INPP5K: variants seen among roughly 807,000 people sequenced by gnomAD.
INPP5K encodes inositol polyphosphate-5-phosphatase K.
INPP5K carries 35 observed loss-of-function variants against 53.5 expected under a neutral mutation model. The ratio of observed to expected loss-of-function variants is 0.65; its 90% CI spans 0.50 to 0.87. The LOEUF is 0.87. INPP5K is among the 40% of genes least tolerant of loss of function. INPP5K has a pLI of 0.00. For synonymous variants in INPP5K, 253 were observed against 232.8 expected, an observed-to-expected ratio of 1.09 and a Z score of -0.79; for missense variants, 550 against 586.2, an observed-to-expected ratio of 0.94 and a Z score of 0.64.
chr17:1,500,202 C>T (rs2074970188), intron 7 of INPP5K, among the ~76,000 whole-genome samples: 2 of 152,210 alleles, frequency 1.3e-5, no homozygotes, highest in South Asian at 2.1e-4. Context: ...AGTCTGACCA[C>T]CCCATCCTTC....
intron 7 of INPP5K, among the ~76,000 whole-genome samples, chr17:1,502,193 C>T (rs549431487): frequency 6.7e-6 from 1 of 150,372 alleles, no homozygotes; most frequent in Non-Finnish European, 1.5e-5. Flanking sequence ...ACTAAAAATA[C>T]AAAAAATTAG....
chr17:1,496,798 C>T lies in INPP5K; in HGVS notation c.969G>A (p.Lys323=), dbSNP rs2074861347. 4.3e-6 allele frequency: 7 copies of T among 1,613,962 alleles called. No individual in the cohort carries two copies. Among genetic ancestry groups the T allele is most frequent in the Non-Finnish European group, 5.9e-6 (7 of 1,179,992 alleles). ...PVSGTFDLEL[K]PLVSAPLIVL... is the part of the protein sequence containing the mutation. ...CGATCAGCGGAGCAGACACCAATGG[C>T]TTCAGCTAGACACGGGGGTGGGAAG... Residue 323 remains lysine (K), a synonymous_variant, in exon 9 of 12, where the codon AAG becomes AAA. Coordinates refer to ENST00000421807, the MANE Select transcript of INPP5K (RefSeq NM_016532.4).
intron 5 of INPP5K, 160 bp downstream of exon 5, chr17:1,509,018 G>A: frequency 1.6e-6 from 1 of 636,296 alleles, no homozygotes; most frequent in South Asian, 1.8e-5. Flanking sequence ...TCAGCGTGGG[G>A]CAGAGGGCGG....
intron 6 of INPP5K, chr17:1,507,314 G>T: frequency 1.8e-6 from 1 of 551,896 alleles, no homozygotes; most frequent in Non-Finnish European, 3.2e-6. Context: ...GCAGCTGTCT[G>T]CCGTTTCCCA....
chr17:1,513,937 A>AG lies in INPP5K; in HGVS notation c.86dup (p.Leu30SerfsTer5). The AG allele has an allele frequency of 6.2e-7, 1 of 1,613,214 alleles. No homozygotes were observed. The highest frequency in any genetic ancestry group is 8.5e-7 in the Non-Finnish European group (1 of 1,179,398). ...GCTGAAGCAGGTCACTGAGATCTAG[A>AG]GGGGGCGCTGCCGAAGCCACGTTCC... is the stretch of plus-strand genomic sequence containing the variant. On this transcript the variant is annotated frameshift_variant, in exon 2 of 12. Transcript: ENST00000421807. LOFTEE classifies it high-confidence loss of function.
intron 1 of INPP5K, chr17:1,516,172 C>T: frequency 8.5e-7 from 1 of 1,182,318 alleles, no homozygotes; most frequent in East Asian, 3.3e-5. Context: ...GTGACGGCCT[C>T]GTTATGTCTT....
intron 7 of INPP5K, among the ~76,000 whole-genome samples, chr17:1,506,438 G>A (rs760777604): frequency 2.6e-5 from 4 of 152,182 alleles, no homozygotes; most frequent in Admixed American, 2.0e-4. Flanking sequence ...CCTTATAGCT[G>A]ACAAAATCAA....
At chr17:1,509,825 G>T in intron 3 of INPP5K, 26 bp from the exon 4 acceptor site, 1 of 1,483,478 alleles carries the variant, frequency 6.7e-7, no homozygotes, top group Non-Finnish European at 9.4e-7. Flanking sequence ...GGCAAAGGTC[G>T]CTCATTAAAC....
At chr17:1,508,583 C>T (rs1235924939) in intron 5 of INPP5K, 10 of 306,698 alleles carry the variant, frequency 3.3e-5, no homozygotes, top group Non-Finnish European at 5.6e-5. Flanking sequence ...GCAAGACAGA[C>T]GGGCTGGAGG....
intron 7 of INPP5K, 96 bp from the exon 8 acceptor site, chr17:1,498,218 A>T: frequency 9.7e-7 from 1 of 1,028,242 alleles, no homozygotes; most frequent in Admixed American, 2.3e-5. Context: ...TGGAGCCCCT[A>T]ACTCCAGCAA....
In INPP5K at chr17:1,496,876, T is replaced by C. The variant is rs142188048; in HGVS notation, c.964-73A>G. ...TCCTCTGAGGCCAAGTGTTCCTCACTGTGCCCTTCCAACATAGTGGGGAAG... is the reference window on the plus strand; with the variant it reads ...TCCTCTGAGGCCAAGTGTTCCTCACCGTGCCCTTCCAACATAGTGGGGAAG... On this transcript the variant is annotated intron_variant, in intron 8 of 11. Transcript: ENST00000421807. The C allele has an allele frequency of 5.0e-4, 761 of 1,522,370 alleles. 3 individuals are homozygous for C. In the African/African-American group the frequency reaches 9.0e-3, roughly 18 times the overall value. The allele number at this position is 1,522,370 out of a possible 1,614,324, so 94.3% of individuals were successfully genotyped here.
chr17:1,512,509 G>T (rs1009490271), intron 3 of INPP5K, among the ~76,000 whole-genome samples: 1 of 152,194 alleles, frequency 6.6e-6, no homozygotes, highest in African/African-American at 2.4e-5. Flanking sequence ...AAACTAGGCT[G>T]ACAGAATCCA....
chr17:1,507,007 T>A lies in INPP5K; in HGVS notation c.749A>T (p.Asp250Val). 6.2e-7 allele frequency: 1 copy of A among 1,613,878 alleles called. No homozygotes were observed. The highest frequency in any genetic ancestry group is 8.5e-7 in the Non-Finnish European group (1 of 1,179,906). ...RLLFPPTYKFDRNSNDYDTSE... is the reference protein window; with the variant it reads ...RLLFPPTYKFVRNSNDYDTSE... ...GGTGTCATAGTCGTTGGAGTTCCTA[T>A]CAAACTTGTAGGTGGGCGGGAAGAG... Residue 250 changes from aspartate to valine, a missense_variant, in exon 7 of 12, where the codon GAT becomes GTT. Asp to Val is a radical substitution (Grantham distance 152, BLOSUM62 -3). Coordinates refer to ENST00000421807, the MANE Select transcript of INPP5K (RefSeq NM_016532.4).
chr17:1,516,384 AC>A, intron 1 of INPP5K, 71 bp downstream of exon 1: 3 of 1,470,058 alleles, frequency 2.0e-6, no homozygotes, highest in Non-Finnish European at 1.8e-6. Flanking sequence ...TGCCTTGTCC[AC>A]CCCCAGCCCG....
chr17:1,503,659 A>G (rs565029639), intron 7 of INPP5K, among the ~76,000 whole-genome samples: 1 of 152,176 alleles, frequency 6.6e-6, no homozygotes, highest in Non-Finnish European at 1.5e-5. Context: ...CGGACGTTGC[A>G]GTGAGCCAAG....
Position 1,508,862 on chromosome 17 carries a change from G to C in INPP5K, c.554+316C>G, listed in dbSNP as rs1363884457. 4 of 295,360 alleles carry C rather than the reference G, an allele frequency of 1.4e-5. 1 individual carries two copies. The Admixed American group carries it at 2.3e-4, about 17-fold the overall frequency. The allele number at this position is 295,360 out of a possible 1,614,324, so 18.3% of individuals were successfully genotyped here. A position where few individuals can be genotyped will look rare whatever the true frequency, so the allele number is the denominator to read the frequency against. On this transcript the variant is annotated intron_variant, in intron 5 of 11. Transcript: ENST00000421807. The stretch of plus-strand genomic sequence containing the variant: ...GGGTCAGCGTGGGGCAGAGGGCGGG[G>C]AACGGTCTGCAGACCCAGGCTCACT...
At chr17:1,505,499 T>G (rs935547442) in intron 7 of INPP5K, among the ~76,000 whole-genome samples, 2 of 152,072 alleles carry the variant, frequency 1.3e-5, no homozygotes, top group African/African-American at 2.4e-5. Context: ...CAGCCTGGCC[T>G]CTTACCTCCT....
Position 1,509,325 on chromosome 17 carries a change from A to C in INPP5K, c.407T>G (p.Leu136Arg). 6.2e-7 allele frequency: 1 copy of C among 1,614,064 alleles called. No homozygotes were observed. Among genetic ancestry groups the C allele is most frequent in the Non-Finnish European group, 8.5e-7 (1 of 1,179,950 alleles). Residue 136 changes from leucine (L) to arginine (R), a missense_variant, in exon 5 of 12, where the codon CTG (leucine) becomes CGG (arginine). Leu to Arg is a moderately radical substitution (Grantham distance 102). Transcript: ENST00000421807. ...WGNKGGVNIC[L>R]KLYGYYVSII... ...GCTGACATAGTAGCCATAAAGCTTC[A>C]GGCAGATGTTGACTCCACCTTTGTT...
intron 1 of INPP5K, among the ~76,000 whole-genome samples, chr17:1,514,688 C>T (rs2075391478): frequency 6.6e-6 from 1 of 152,140 alleles, no homozygotes; most frequent in Non-Finnish European, 1.5e-5. Flanking sequence ...TCATCTATGG[C>T]TCAGTCGGCA....
Sources: allele counts gnomAD v4.1 joint callset (sites outside exome capture counted in the v4.1 genomes callset), GRCh38; gene constraint gnomAD v4.1.1; transcripts MANE v1.5; gene names NCBI Gene and HGNC (gene_info 2026-07-23, HGNC 2026-07-21).